The following BPGM variants were observed in gnomAD, a reference collection of about 807,000 sequenced individuals.
The protein encoded by BPGM is bisphosphoglycerate mutase.
In BPGM, 15 loss-of-function variants were observed where a neutral mutation model predicts 21.6. That is an observed-to-expected ratio of 0.70 (90% confidence interval 0.47 to 1.07). BPGM has a LOEUF of 1.07. Among genes scored for constraint, BPGM ranks in the 50% least tolerant of loss-of-function variants. The probability of loss-of-function intolerance (pLI) is 0.00; values close to 1 mark genes in which losing one functional copy is unlikely to be tolerated. For missense variants in BPGM, 273 were observed against 319.0 expected (o/e 0.86, Z 1.10); for synonymous variants, 113 against 116.2 (o/e 0.97, Z 0.18).
chr7:134,670,700 C>T lies in BPGM; in HGVS notation c.602-8153C>T, dbSNP rs571182679. On this transcript the variant is annotated intron_variant, in intron 2 of 2. Transcript: ENST00000344924. ...CCATAAAGGAATACAGAACTCTTATCACAGATTGTCGGTGGGGTTTGAATT... is the reference window on the plus strand; with the variant it reads ...CCATAAAGGAATACAGAACTCTTATTACAGATTGTCGGTGGGGTTTGAATT... Among the ~76,000 whole-genome samples, 38 of 152,228 alleles carry T rather than the reference C, an allele frequency of 2.5e-4. No homozygotes were observed. In the South Asian group the frequency reaches 7.7e-3, roughly 31 times the overall value.
At chr7:134,676,184 CCTAG>C (rs1795980911) in intron 2 of BPGM, among the ~76,000 whole-genome samples, 1 of 152,002 alleles carries the variant, frequency 6.6e-6, no homozygotes, top group Non-Finnish European at 1.5e-5. Flanking sequence ...GCCTAGTTGC[CCTAG>C]CTAGGATCTT....
chr7:134,670,513 A>C (rs1795887057), intron 2 of BPGM, among the ~76,000 whole-genome samples: 1 of 152,232 alleles, frequency 6.6e-6, no homozygotes, highest in Non-Finnish European at 1.5e-5. Context: ...CGTAGAATGG[A>C]TTCTTCTCTC....
intron 2 of BPGM, among the ~76,000 whole-genome samples, chr7:134,670,309 T>G (rs1381553535): frequency 6.6e-6 from 1 of 152,198 alleles, no homozygotes; most frequent in Non-Finnish European, 1.5e-5. Context: ...TGGGACTAGC[T>G]GTGGGGACGG....
At chr7:134,648,229 G>C (rs1001564209) in intron 1 of BPGM, among the ~76,000 whole-genome samples, 2 of 150,126 alleles carry the variant, frequency 1.3e-5, no homozygotes, top group Non-Finnish European at 3.0e-5. Context: ...TCCGCCTCCT[G>C]GATTCAATCG....
Position 134,661,930 on chromosome 7 carries a change from G to A in BPGM, c.423G>A (p.Arg141=), listed in dbSNP as rs1421977506. 6 of 1,613,916 alleles carry A rather than the reference G, an allele frequency of 3.7e-6. No homozygotes were observed. The highest frequency in any genetic ancestry group is 4.2e-6 in the Non-Finnish European group (5 of 1,179,928). The change falls in exon 2 of 3, where the codon AGG becomes AGA. Residue 141 remains arginine, a synonymous_variant. Coordinates refer to ENST00000344924, the MANE Select transcript of BPGM (RefSeq NM_001724.5). This position sits in a 1 kb window ranked among gnomAD's most constrained non-coding sequence, Gnocchi z 4.6. The part of the protein sequence containing the change: ...PYYQEIYNDR[R]YKVCDVPLDQ... ...ACCAAGAAATCTACAACGACCGGAG[G>A]TATAAAGTATGCGATGTGCCCTTGG...
chr7:134,665,190 G>A (rs1045852030), intron 2 of BPGM, among the ~76,000 whole-genome samples: 2 of 152,044 alleles, frequency 1.3e-5, no homozygotes, highest in Non-Finnish European at 2.9e-5. Flanking sequence ...GCAAACATAC[G>A]GAAGTGATAA....
chr7:134,657,243 G>T (rs1795653077), intron 1 of BPGM, among the ~76,000 whole-genome samples: 1 of 152,210 alleles, frequency 6.6e-6, no homozygotes, highest in Non-Finnish European at 1.5e-5. Context: ...CTAAAGCAGG[G>T]TGAGACTGAA....
intron 1 of BPGM, among the ~76,000 whole-genome samples, chr7:134,647,797 T>C (rs976327441): frequency 2.0e-5 from 3 of 152,218 alleles, no homozygotes; most frequent in Non-Finnish European, 4.4e-5. Context: ...TTGTCTTTTA[T>C]TTTTTATTTT....
At chr7:134,653,172 T>C (rs10226868) in intron 1 of BPGM, among the ~76,000 whole-genome samples, 270 of 152,344 alleles carry the variant, frequency 1.8e-3, no homozygotes, top group African/African-American at 6.3e-3. Context: ...TATTCACTTA[T>C]ATATTATGTA....
chr7:134,667,038 A>T (rs1795831425), intron 2 of BPGM, among the ~76,000 whole-genome samples: 1 of 152,158 alleles, frequency 6.6e-6, no homozygotes, highest in East Asian at 1.9e-4. Context: ...TGCATGTCTA[A>T]CTTTCCACAG....
rs190095950 is a variant in BPGM, at chr7:134,648,003, G to T, written c.-62+1066G>T. Among the ~76,000 whole-genome samples, 911 of 152,054 alleles carry T rather than the reference G, an allele frequency of 6.0e-3. 34 individuals are homozygous for T. The highest frequency in any genetic ancestry group is 0.053 in the Admixed American group (806 of 15,276). On this transcript the variant is annotated intron_variant, in intron 1 of 2. Coordinates refer to ENST00000344924, the MANE Select transcript of BPGM (RefSeq NM_001724.5). ...AGTAGAGACGGGGTTTCACCATGTT[G>T]GCCAGGGTGGTCTTGAACTCCTGAC...
chr7:134,646,897 G>GGCTGCTGCTGCTGCTGCT lies in BPGM; in HGVS notation c.-94_-77dup, dbSNP rs147174635. Reference sequence around the variant, plus strand: ...TGGCTCTTTGGCGGCTCGGAGGAGCGGCTGCTGCTGCTGCTGCTGCTGCTG... The same window carrying GGCTGCTGCTGCTGCTGCT: ...TGGCTCTTTGGCGGCTCGGAGGAGCGGCTGCTGCTGCTGCTGCTGCTGCTGCTGCTGCTGCTGCTGCTG... On this transcript the variant is annotated 5_prime_UTR_variant, in exon 1 of 3. Transcript: ENST00000344924. The GGCTGCTGCTGCTGCTGCT allele has an allele frequency of 6.2e-4, 116 of 185,932 alleles. 6 individuals carry two copies. The highest frequency in any genetic ancestry group is 2.3e-3 in the African/African-American group (98 of 42,220). 11.5% of individuals were successfully genotyped at this position (185,932 alleles called of 1,614,324 possible).
At chr7:134,662,929 T>C (rs1348330965) in intron 2 of BPGM, among the ~76,000 whole-genome samples, 1 of 152,254 alleles carries the variant, frequency 6.6e-6, no homozygotes, top group African/African-American at 2.4e-5. Flanking sequence ...GCATCAGTGA[T>C]TGCACTGTGA....
intron 2 of BPGM, 67 bp from the exon 3 acceptor site, chr7:134,678,786 A>G (rs894244030): frequency 4.2e-6 from 6 of 1,438,894 alleles, no homozygotes; most frequent in South Asian, 3.4e-5. Flanking sequence ...GTGCAGTTAT[A>G]TAATTAAACA....
chr7:134,670,194 T>A (rs1168342101), intron 2 of BPGM, among the ~76,000 whole-genome samples: 2 of 152,110 alleles, frequency 1.3e-5, no homozygotes, highest in Non-Finnish European at 2.9e-5. Flanking sequence ...CACAAGACAC[T>A]CATGCAAGAC....
At chr7:134,675,898 G>C (rs545208098) in intron 2 of BPGM, among the ~76,000 whole-genome samples, 14 of 152,258 alleles carry the variant, frequency 9.2e-5, no homozygotes, top group Admixed American at 2.6e-4. Flanking sequence ...CTGTGTTGTA[G>C]TAGTCAGAGT....
chr7:134,656,207 C>T (rs1001018939), intron 1 of BPGM, among the ~76,000 whole-genome samples: 1 of 152,170 alleles, frequency 6.6e-6, no homozygotes, highest in Non-Finnish European at 1.5e-5. Flanking sequence ...CACTGGCCTA[C>T]AGGAACTAAC....
chr7:134,679,095 C>A lies in BPGM; in HGVS notation c.*64C>A. 1 of 1,551,720 alleles carries A rather than the reference C, an allele frequency of 6.4e-7. No individual in the cohort carries two copies. The highest frequency in any genetic ancestry group is 8.8e-7 in the Non-Finnish European group (1 of 1,130,674). On this transcript the variant is annotated 3_prime_UTR_variant, in exon 3 of 3. Transcript: ENST00000344924. ...GTGGCATAGGAGTGTGTTATGGGTG[C>A]TGAACTCTCTCTCTTTTTCCCCGAT...
chr7:134,663,984 T>G (rs1795776112), intron 2 of BPGM, among the ~76,000 whole-genome samples: 1 of 152,210 alleles, frequency 6.6e-6, no homozygotes, highest in Admixed American at 6.5e-5. Context: ...AAGAGAGAAT[T>G]ACATGTAGAG....
Sources: gnomAD v4.1 joint callset for allele counts (sites outside exome capture counted in the v4.1 genomes callset) on GRCh38, gnomAD v4.1.1 for gene constraint, Gnocchi (gnomAD v3.1) non-coding constraint, MANE v1.5 for transcripts, NCBI Gene and HGNC (gene_info 2026-07-23, HGNC 2026-07-21) for gene names.